CHAMP1: variants seen among roughly 807,000 people sequenced by gnomAD.
CHAMP1 encodes chromosome alignment maintaining phosphoprotein 1.
Under a neutral mutation model 54.5 loss-of-function variants are expected in CHAMP1, and 4 were observed. That is an observed-to-expected ratio of 0.07 (90% CI 0.04 to 0.17). CHAMP1 has a LOEUF of 0.17. Among genes scored for constraint, CHAMP1 ranks in the 10% least tolerant of loss-of-function variants. The pLI, the probability that CHAMP1 is intolerant of heterozygous loss-of-function variation, is 1.00. For missense variants in CHAMP1, 994 were observed against 968.6 expected (o/e 1.03, Z -0.35); for synonymous variants, 368 against 342.2 (o/e 1.08, Z -0.83).
At position 114,324,155 on chromosome 13, in the gene CHAMP1, C is replaced by T; in HGVS notation, c.313C>T (p.Pro105Ser). ...AAATCAGTTGAACAAAGAAACAGAT[C>T]CTGTGAAAAGCCCTCCTCTTCCTGA... is the stretch of plus-strand genomic sequence containing the variant. ...PKNQLNKETD[P>S]VKSPPLPEHQ... is the part of the protein sequence containing the mutation. The change falls in exon 3 of 3, where the codon CCT becomes TCT. Residue 105 changes from proline (P) to serine (S), a missense_variant. Physicochemically the swap from Pro to Ser is moderately conservative, Grantham distance 74 (BLOSUM62 -1). This residue lies in a region of CHAMP1 where 851 missense variants were observed against 701.3 expected (regional missense o/e 1.21). Transcript: ENST00000361283. 6.2e-7 allele frequency: 1 copy of T among 1,614,158 alleles called. No homozygotes were observed. The highest frequency in any genetic ancestry group is 8.5e-7 in the Non-Finnish European group (1 of 1,180,026).
intron 1 of CHAMP1, among the ~76,000 whole-genome samples, chr13:114,315,471 GGAT>G (rs1454179030): frequency 1.3e-5 from 2 of 152,060 alleles, no homozygotes; most frequent in Non-Finnish European, 2.9e-5. Flanking sequence ...ATCAACATGT[GGAT>G]GAAAGGCAAG....
intron 1 of CHAMP1, among the ~76,000 whole-genome samples, chr13:114,316,004 T>G (rs1204507487): frequency 6.6e-6 from 1 of 151,186 alleles, no homozygotes; most frequent in Non-Finnish European, 1.5e-5. Context: ...ACCTGGCTAA[T>G]TTTGTATTTT....
At chr13:114,323,246 C>G (rs868950963) in intron 2 of CHAMP1, 1 of 152,140 alleles carries the variant, frequency 6.6e-6, no homozygotes, top group Admixed American at 6.5e-5. Context: ...TTAAACATTA[C>G]AAAATATGTT....
At chr13:114,317,498 C>T (rs987515301) in intron 1 of CHAMP1, among the ~76,000 whole-genome samples, 1 of 151,990 alleles carries the variant, frequency 6.6e-6, no homozygotes, top group African/African-American at 2.4e-5. Context: ...GTGGCAGGTA[C>T]CTATGGTCCC....
Position 114,324,677 on chromosome 13 carries a change from A to T in CHAMP1, c.835A>T (p.Arg279Trp). Reference protein sequence around the residue: ...KSARTTSPEPRKPSPSESPEP... With the variant: ...KSARTTSPEPWKPSPSESPEP... ...AGCCCGGACTACCTCCCCTGAGCCAAGGAAGCCATCCCCTTCAGAGTCTCC... is the reference window on the plus strand; with the variant it reads ...AGCCCGGACTACCTCCCCTGAGCCATGGAAGCCATCCCCTTCAGAGTCTCC... The change falls in exon 3 of 3, where the codon AGG becomes TGG. Residue 279 changes from arginine to tryptophan, a missense_variant. Physicochemically the swap from Arg to Trp is moderately radical, Grantham distance 101 (BLOSUM62 -3). Transcript: ENST00000361283. The T allele has an allele frequency of 2.5e-6, 4 of 1,613,912 alleles. No homozygotes were observed. Among genetic ancestry groups the T allele is most frequent in the Non-Finnish European group, 3.4e-6 (4 of 1,179,948 alleles).
At chr13:114,315,835 G>GTTTTTTTT (rs1194478086) in intron 1 of CHAMP1, among the ~76,000 whole-genome samples, 1 of 129,956 alleles carries the variant, frequency 7.7e-6, no homozygotes. Flanking sequence ...GGCAAGTTTT[G>GTTTTTTTT]TTTTTTTTTT....
Position 114,324,995 on chromosome 13 carries a change from G to A in CHAMP1, c.1153G>A (p.Ala385Thr), listed in dbSNP as rs543967281. The stretch of plus-strand genomic sequence containing the variant: ...ACCCAGCTCCTGGAAGTCTCCCCCT[G>A]CATCTCCTGAGTCATGGAAGTCTGG... ...VSPSSWKSPP[A>T]SPESWKSGPP... Residue 385 changes from alanine to threonine, a missense_variant, in exon 3 of 3, where the codon GCA becomes ACA. Physicochemically the swap from Ala to Thr is moderately conservative, Grantham distance 58. Transcript: ENST00000361283. The A allele has an allele frequency of 1.9e-6, 3 of 1,614,012 alleles. No individual in the cohort carries two copies. The African/African-American group carries it at 4.0e-5, about 22-fold the overall frequency.
chr13:114,322,676 T>C (rs1555379229), intron 2 of CHAMP1: 1 of 152,228 alleles, frequency 6.6e-6, no homozygotes, highest in Non-Finnish European at 1.5e-5. Context: ...TACCCTCACA[T>C]GCACAGATAA....
Position 114,324,688 on chromosome 13 carries a change from C to G in CHAMP1, c.846C>G (p.Ser282=). ...CCTCCCCTGAGCCAAGGAAGCCATC[C>G]CCTTCAGAGTCTCCTGAACCTTGGA... is the stretch of plus-strand genomic sequence containing the variant. The part of the protein sequence containing the change: ...RTTSPEPRKP[S]PSESPEPWKP... Residue 282 remains serine, a synonymous_variant, in exon 3 of 3, where the codon TCC becomes TCG. Transcript: ENST00000361283. The G allele has an allele frequency of 6.2e-7, 1 of 1,613,834 alleles. No individual in the cohort carries two copies. Among genetic ancestry groups the G allele is most frequent in the Non-Finnish European group, 8.5e-7 (1 of 1,179,892 alleles).
Position 114,324,373 on chromosome 13 carries a change from A to C in CHAMP1, c.531A>C (p.Ser177=). ...LQTPLPSPEP[S]KPASVSSPEP... The stretch of plus-strand genomic sequence containing the variant: ...CACCTCTTCCTTCTCCTGAGCCTTC[A>C]AAACCTGCCTCTGTTTCTTCTCCTG... Residue 177 remains serine (S), a synonymous_variant, in exon 3 of 3, where the codon TCA becomes TCC. Coordinates refer to ENST00000361283, the MANE Select transcript of CHAMP1 (RefSeq NM_032436.4). 3.1e-6 allele frequency: 5 copies of C among 1,614,114 alleles called. No individual in the cohort carries two copies. Among genetic ancestry groups the C allele is most frequent in the Non-Finnish European group, 4.2e-6 (5 of 1,180,020 alleles).
intron 1 of CHAMP1, among the ~76,000 whole-genome samples, chr13:114,319,146 A>G (rs898657602): frequency 1.3e-5 from 2 of 152,158 alleles, no homozygotes; most frequent in Admixed American, 6.5e-5. Flanking sequence ...ACCTGGACAG[A>G]TAGCAGAACT....
chr13:114,321,678 A>G (rs946997210), intron 2 of CHAMP1, among the ~76,000 whole-genome samples: 7 of 152,142 alleles, frequency 4.6e-5, no homozygotes, highest in Non-Finnish European at 8.8e-5. Context: ...TTCTAGTTTT[A>G]TTTAACAATG....
intron 1 of CHAMP1, among the ~76,000 whole-genome samples, chr13:114,320,342 A>G (rs2087151740): frequency 6.6e-6 from 1 of 152,152 alleles, no homozygotes; most frequent in Non-Finnish European, 1.5e-5. Context: ...GGGTCAGGAC[A>G]CTGCCATCCT....
At chr13:114,320,886 G>A (rs1348000731) in intron 1 of CHAMP1, among the ~76,000 whole-genome samples, 4 of 151,716 alleles carry the variant, frequency 2.6e-5, no homozygotes, top group African/African-American at 9.7e-5. Flanking sequence ...AACCCTGGAG[G>A]CGGAGCTTGC....
At chr13:114,315,310 C>T (rs1200597085) in intron 1 of CHAMP1, among the ~76,000 whole-genome samples, 2 of 152,106 alleles carry the variant, frequency 1.3e-5, no homozygotes, top group African/African-American at 4.8e-5. Context: ...AGCTCGGGTG[C>T]ATTGCTGGTG....
chr13:114,324,519 A>G lies in CHAMP1; in HGVS notation c.677A>G (p.Lys226Arg), dbSNP rs144012078. 42 of 1,613,888 alleles carry G rather than the reference A, an allele frequency of 2.6e-5. No individual in the cohort carries two copies. The highest frequency in any genetic ancestry group is 3.2e-5 in the Non-Finnish European group (38 of 1,179,996). Residue 226 changes from lysine (K) to arginine (R), a missense_variant, in exon 3 of 3, where the codon AAA becomes AGA. Physicochemically the swap from Lys to Arg is conservative, Grantham distance 26 (BLOSUM62 2). Around this residue, in one of 3 missense-constraint regions of CHAMP1, gnomAD observed 851 missense variants for 701.3 expected, o/e 1.21. Coordinates refer to ENST00000361283, the MANE Select transcript of CHAMP1 (RefSeq NM_032436.4). Reference protein sequence around the residue: ...ESVKATLSNPKPQKQSHFPET... With the variant: ...ESVKATLSNPRPQKQSHFPET... ...GTAAAGGCTACTCTTAGTAATCCCA[A>G]ACCCCAGAAGCAGTCTCATTTCCCG...
Position 114,324,534 on chromosome 13 carries a change from C to T in CHAMP1, c.692C>T (p.Ser231Phe), listed in dbSNP as rs782179967. 3.1e-6 allele frequency: 5 copies of T among 1,614,180 alleles called. No homozygotes were observed. The highest frequency in any genetic ancestry group is 1.7e-5 in the Admixed American group (1 of 60,020). Reference sequence around the variant, plus strand: ...AGTAATCCCAAACCCCAGAAGCAGTCTCATTTCCCGGAAACATTGGGGCCA... The same window carrying T: ...AGTAATCCCAAACCCCAGAAGCAGTTTCATTTCCCGGAAACATTGGGGCCA... The part of the protein sequence containing the change: ...TLSNPKPQKQ[S>F]HFPETLGPPS... The change falls in exon 3 of 3, where the codon TCT (serine) becomes TTT (phenylalanine). Residue 231 changes from serine (S) to phenylalanine (F), a missense_variant. This residue lies in a region of CHAMP1 where 851 missense variants were observed against 701.3 expected (regional missense o/e 1.21). Coordinates refer to ENST00000361283, the MANE Select transcript of CHAMP1 (RefSeq NM_032436.4).
intron 1 of CHAMP1, among the ~76,000 whole-genome samples, chr13:114,319,695 G>A (rs2087144538): frequency 5.9e-5 from 9 of 152,266 alleles, no homozygotes; most frequent in Admixed American, 5.9e-4. Context: ...ACCTGAGTAT[G>A]TGTGGATTTT....
rs1594128554 is a variant in CHAMP1, at chr13:114,323,992, C to T, written c.150C>T (p.Gly50=). The change falls in exon 3 of 3, where the codon GGC becomes GGT. Residue 50 remains glycine (G), a synonymous_variant. Transcript: ENST00000361283. The part of the protein sequence containing the change: ...FCDEMDAGGL[G]KMIFYQKSAK... ...ATGAAATGGATGCTGGTGGGCTAGG[C>T]AAAATGATATTTTACCAGAAAAGTG... 1 of 1,614,092 alleles carries T rather than the reference C, an allele frequency of 6.2e-7. No homozygotes were observed. The highest frequency in any genetic ancestry group is 8.5e-7 in the Non-Finnish European group (1 of 1,180,012).
Sources: gnomAD v4.1 joint callset for allele counts (sites outside exome capture counted in the v4.1 genomes callset) on GRCh38, gnomAD v4.1.1 for gene constraint, gnomAD v4.1.1 regional missense constraint, MANE v1.5 for transcripts, NCBI Gene and HGNC (gene_info 2026-07-23, HGNC 2026-07-21) for gene names.